Variants in SERHL2 observed in about 807,000 individuals in gnomAD.
SERHL2 encodes serine hydrolase like 2.
Under a neutral mutation model 25.5 loss-of-function variants are expected in SERHL2, and 29 were observed. The ratio of observed to expected loss-of-function variants is 1.14; its 90% CI spans 0.85 to 1.55. The LOEUF (loss-of-function observed/expected upper bound fraction) is 1.55. Among genes scored for constraint, SERHL2 ranks in the 40% most tolerant of loss-of-function variants. SERHL2 has a pLI of 0.00. For synonymous variants in SERHL2, 95 were observed against 103.5 expected, an observed-to-expected ratio of 0.92 and a Z score of 0.50; for missense variants, 240 against 252.3, an observed-to-expected ratio of 0.95 and a Z score of 0.33.
chr22:42,569,204 C>T (rs1484954193), intron 9 of SERHL2: 1 of 151,312 alleles, frequency 6.6e-6, no homozygotes, highest in Non-Finnish European at 1.5e-5. Context: ...CTAATCATCT[C>T]TTTGTTGTTC....
At position 42,574,308 on chromosome 22, in the gene SERHL2, G is replaced by A. The variant is rs1330285776; in HGVS notation, c.*253G>A. The stretch of plus-strand genomic sequence containing the variant: ...TAAATATCCAGCCAGCTGGAGGAAG[G>A]AAGGGCAGGCTGGGCCCACCTAGCC... On this transcript the variant is annotated 3_prime_UTR_variant, in exon 12 of 12. Transcript: ENST00000327678. The A allele has an allele frequency of 1.8e-6, 1 of 542,748 alleles. No homozygotes were observed. The highest frequency in any genetic ancestry group is 3.3e-6 in the Non-Finnish European group (1 of 306,832). The allele number at this position is 542,748 out of a possible 1,614,324, so 33.6% of individuals were successfully genotyped here.
chr22:42,571,495 G>C, intron 10 of SERHL2: 2 of 1,232,628 alleles, frequency 1.6e-6, no homozygotes, highest in East Asian at 3.9e-5. Context: ...GCCCAGTCTC[G>C]GCTGACTGCA....
At position 42,554,010 on chromosome 22, in the gene SERHL2, G is replaced by A; in HGVS notation, c.-11G>A. The A allele has an allele frequency of 6.2e-7, 1 of 1,613,566 alleles. No individual in the cohort carries two copies. The highest frequency in any genetic ancestry group is 8.5e-7 in the Non-Finnish European group (1 of 1,179,766). ...AGGGAGTGACAGCAGCGCATTCGCG[G>A]GACGAGAGCGATGAGTGAGAACGCC... On this transcript the variant is annotated 5_prime_UTR_variant, in exon 1 of 12. Coordinates refer to ENST00000327678, the MANE Select transcript of SERHL2 (RefSeq NM_014509.5).
chr22:42,570,318 G>A (rs1269679346), intron 9 of SERHL2, among the ~76,000 whole-genome samples: 1 of 152,008 alleles, frequency 6.6e-6, no homozygotes, highest in Non-Finnish European at 1.5e-5. Context: ...TCGGTAGGCT[G>A]AGGCAGGAGA....
chr22:42,572,060 A>C (rs907448029), intron 10 of SERHL2, among the ~76,000 whole-genome samples: 9 of 151,990 alleles, frequency 5.9e-5, no homozygotes, highest in African/African-American at 2.2e-4. Context: ...AATGTATTAA[A>C]AACCACAGAA....
Position 42,566,302 on chromosome 22 carries a change from A to C in SERHL2, c.614-2A>C. 6.2e-7 allele frequency: 1 copy of C among 1,611,876 alleles called. No individual in the cohort carries two copies. Among genetic ancestry groups the C allele is most frequent in the Middle Eastern group, 1.7e-4 (1 of 6,042 alleles). ...CTGCTGTCTTTGTGCTTCCGCCTCC[A>C]GGTCTGGTTCTGAACAGAGACCAGA... is the stretch of plus-strand genomic sequence containing the variant. On this transcript the variant is annotated splice_acceptor_variant, in intron 8 of 11. Transcript: ENST00000327678. LOFTEE classifies it high-confidence loss of function.
intron 8 of SERHL2, chr22:42,563,363 T>A (rs979541092): frequency 3.2e-5 from 13 of 406,830 alleles, no homozygotes; most frequent in Non-Finnish European, 6.4e-5. Context: ...AGACCACACC[T>A]GGCTAATTTT....
intron 8 of SERHL2, among the ~76,000 whole-genome samples, chr22:42,566,005 A>G (rs184086061): frequency 2.0e-5 from 3 of 152,068 alleles, no homozygotes; most frequent in Non-Finnish European, 4.4e-5. Flanking sequence ...CTCAGAGACT[A>G]GAGCTCCACC....
chr22:42,569,744 C>G (rs1258547238), intron 9 of SERHL2: 3 of 151,734 alleles, frequency 2.0e-5, no homozygotes, highest in East Asian at 1.9e-4. Flanking sequence ...GAAGGCACTT[C>G]AGGTCATTTT....
chr22:42,560,726 T>C (rs1262038829), intron 8 of SERHL2, among the ~76,000 whole-genome samples: 3 of 151,824 alleles, frequency 2.0e-5, no homozygotes, highest in Non-Finnish European at 2.9e-5. Flanking sequence ...TACCCAGGAA[T>C]TTTTTTTCTT....
intron 9 of SERHL2, 61 bp from the exon 10 acceptor site, chr22:42,571,060 T>C: frequency 1.2e-6 from 2 of 1,609,910 alleles, no homozygotes; most frequent in Non-Finnish European, 1.7e-6. Context: ...GAGATGGGTT[T>C]CGTGCCCACG....
At chr22:42,560,103 T>C (rs1922492951) in intron 7 of SERHL2, 83 bp from the exon 8 acceptor site, 6 of 1,003,830 alleles carry the variant, frequency 6.0e-6, no homozygotes, top group South Asian at 2.6e-5. Context: ...TGAGCCACCG[T>C]CCCCCCCGGC....
chr22:42,554,434 C>T (rs1921983747), intron 1 of SERHL2, among the ~76,000 whole-genome samples: 1 of 152,176 alleles, frequency 6.6e-6, no homozygotes, highest in South Asian at 2.1e-4. Flanking sequence ...TACTGCAGCT[C>T]CCAGTGCCTC....
chr22:42,570,945 C>T (rs936847609), intron 9 of SERHL2, among the ~76,000 whole-genome samples, 176 bp from the exon 10 acceptor site: 2 of 151,990 alleles, frequency 1.3e-5, no homozygotes, highest in African/African-American at 4.8e-5. Flanking sequence ...AGTCTCTGGC[C>T]ACCAGGGGCT....
In SERHL2 at chr22:42,574,029, A is replaced by G. The variant is rs149708270; in HGVS notation, c.919A>G (p.Thr307Ala). The part of the protein sequence containing the change: ...ASIISSFLQC[T>A]HMLPAQL Reference sequence around the variant, plus strand: ...TATCATCAGCTCCTTCTTACAGTGCACACACATGCTCCCAGCCCAGCTGTA... The same window carrying G: ...TATCATCAGCTCCTTCTTACAGTGCGCACACATGCTCCCAGCCCAGCTGTA... Residue 307 changes from threonine to alanine, a missense_variant, in exon 12 of 12, where the codon ACA becomes GCA. Thr to Ala is a moderately conservative substitution (Grantham distance 58). Transcript: ENST00000327678. 9.3e-6 allele frequency: 15 copies of G among 1,612,222 alleles called. No homozygotes were observed. Among genetic ancestry groups the G allele is most frequent in the Non-Finnish European group, 1.2e-5 (14 of 1,179,106 alleles).
intron 11 of SERHL2, chr22:42,573,701 C>G (rs1186007567): frequency 1.1e-5 from 6 of 562,056 alleles, no homozygotes; most frequent in African/African-American, 1.9e-5. Context: ...TGCAACTTCA[C>G]AACTCAGCTG....
At position 42,573,932 on chromosome 22, in the gene SERHL2, C is replaced by T; in HGVS notation, c.826-4C>T. 1 of 1,558,078 alleles carries T rather than the reference C, an allele frequency of 6.4e-7. No individual in the cohort carries two copies. The highest frequency in any genetic ancestry group is 8.8e-7 in the Non-Finnish European group (1 of 1,133,922). ...CCTCACCACCCACCCCCTCCCCTCT[C>T]CAGCAGTTCCAGTTTGTGGAAGTCC... On this transcript the variant is annotated splice_polypyrimidine_tract_variant and splice_region_variant and intron_variant, in intron 11 of 11. Coordinates refer to ENST00000327678, the MANE Select transcript of SERHL2 (RefSeq NM_014509.5).
chr22:42,566,879 C>T (rs539818604), intron 9 of SERHL2, among the ~76,000 whole-genome samples: 1,102 of 152,270 alleles, frequency 7.2e-3, no homozygotes, highest in Middle Eastern at 0.045. Context: ...GCCATCTCTG[C>T]CAGTGAGGGG....
At chr22:42,571,594 T>C (rs1924201937) in intron 10 of SERHL2, 1 of 459,930 alleles carries the variant, frequency 2.2e-6, no homozygotes, top group Non-Finnish European at 3.0e-6. Context: ...CCTGGCTTAT[T>C]TTTGTATTTT....
Sources: allele counts gnomAD v4.1 joint callset (sites outside exome capture counted in the v4.1 genomes callset), GRCh38; gene constraint gnomAD v4.1.1; transcripts MANE v1.5; gene names NCBI Gene and HGNC (gene_info 2026-07-23, HGNC 2026-07-21).